Variants in TENM3 observed in about 807,000 individuals in gnomAD.
The protein encoded by TENM3 is teneurin-3.
A neutral mutation model predicts 255.1 loss-of-function variants in TENM3; 63 were observed. The observed-to-expected ratio is 0.25, with a 90% CI of 0.20 to 0.30. The LOEUF (loss-of-function observed/expected upper bound fraction) is 0.30, where lower values mean the gene tolerates loss of function less well. TENM3 is among the 10% of genes least tolerant of loss of function. TENM3 has a pLI of 1.00. For synonymous variants in TENM3, 1,306 were observed against 1,322.3 expected (o/e 0.99, Z 0.27); for missense variants, 2,929 against 3,461.1 (o/e 0.85, Z 3.86).
rs1217052951 is a variant in TENM3 at position 182,621,649 on chromosome 4, T to TA, written c.750-7002_750-7001insA. Among the ~76,000 whole-genome samples, 10 of 30,830 alleles carry TA rather than the reference T, an allele frequency of 3.2e-4. 1 individual carries two copies. The highest frequency in any genetic ancestry group is 2.8e-3 in the East Asian group (5 of 1,788). The allele number at this position is 30,830 out of a possible 152,430, so 20.2% of individuals were successfully genotyped here. ...TAAAATATATAATATATAATACATA[T>TA]TATAATATATAATATGTATTATATA... On this transcript the variant is annotated intron_variant, in intron 4 of 27. Transcript: ENST00000511685.
chr4:182,800,244 C>A lies in TENM3; in HGVS notation c.7993C>A (p.Gln2665Lys). The A allele has an allele frequency of 1.9e-6, 3 of 1,593,632 alleles. No individual in the cohort carries two copies. Among genetic ancestry groups the A allele is most frequent in the Non-Finnish European group, 2.5e-6 (3 of 1,178,098 alleles). Reference protein sequence around the residue: ...KRQLLSAGKVQGYDGYYVLSV... With the variant: ...KRQLLSAGKVKGYDGYYVLSV... ...GCAGCTGCTGAGCGCCGGCAAGGTG[C>A]AGGGCTACGACGGGTACTACGTACT... is the stretch of plus-strand genomic sequence containing the variant. Residue 2665 changes from glutamine (Q) to lysine (K), a missense_variant, in exon 28 of 28, where the codon CAG becomes AAG. Physicochemically the swap from Gln to Lys is moderately conservative, Grantham distance 53. This residue lies in a region of TENM3 where 476 missense variants were observed against 480.1 expected (regional missense o/e 0.99). Coordinates refer to ENST00000511685, the MANE Select transcript of TENM3 (RefSeq NM_001080477.4).
chr4:181,731,121 T>C, the TENM3 span, among the ~76,000 whole-genome samples: 1 of 152,336 alleles, frequency 6.6e-6, no homozygotes, highest in East Asian at 1.9e-4. Flanking sequence ...ACTCAGATTA[T>C]GTCCACTTCG....
the TENM3 span, among the ~76,000 whole-genome samples, chr4:181,684,283 T>A: frequency 6.6e-6 from 1 of 152,188 alleles, no homozygotes; most frequent in African/African-American, 2.4e-5. Flanking sequence ...CCAATCATTT[T>A]ACAGATACAA....
At chr4:181,565,103 C>G in the TENM3 span, among the ~76,000 whole-genome samples, 1 of 152,176 alleles carries the variant, frequency 6.6e-6, no homozygotes, top group Non-Finnish European at 1.5e-5. Flanking sequence ...TAATTTACAG[C>G]CCGTTTAAAC....
At chr4:181,801,695 T>TATATATAA in the TENM3 span, among the ~76,000 whole-genome samples, 1 of 125,910 alleles carries the variant, frequency 7.9e-6, no homozygotes, top group African/African-American at 3.1e-5. Context: ...TATATATATA[T>TATATATAA]ATGCAACAAT....
chr4:181,659,508 C>CT, the TENM3 span, among the ~76,000 whole-genome samples: 10 of 152,140 alleles, frequency 6.6e-5, no homozygotes, highest in African/African-American at 2.4e-4. Context: ...AACAAATATT[C>CT]TTTTGGTGAC....
chr4:181,566,065 G>A, the TENM3 span, among the ~76,000 whole-genome samples: 1 of 150,720 alleles, frequency 6.6e-6, no homozygotes, highest in East Asian at 2.0e-4. Flanking sequence ...CAAAAACCTA[G>A]TTTCCCCCAA....
intron 3 of TENM3, among the ~76,000 whole-genome samples, chr4:182,571,788 A>C (rs560813955): frequency 6.6e-6 from 1 of 152,348 alleles, no homozygotes; most frequent in Admixed American, 6.5e-5. Context: ...AGTGTATATA[A>C]TTAACATAGA....
chr4:181,607,134 T>G, the TENM3 span, among the ~76,000 whole-genome samples: 1 of 152,202 alleles, frequency 6.6e-6, no homozygotes, highest in African/African-American at 2.4e-5. Context: ...GAGTTGGAAT[T>G]TGGTCTTTGG....
At chr4:182,489,050 T>C (rs967389883) in intron 3 of TENM3, among the ~76,000 whole-genome samples, 3 of 152,182 alleles carry the variant, frequency 2.0e-5, no homozygotes, top group Admixed American at 6.5e-5. Flanking sequence ...ATTACTTTCT[T>C]GAAAAGTGAG....
the TENM3 span, among the ~76,000 whole-genome samples, chr4:182,053,151 G>T: frequency 6.6e-6 from 1 of 151,988 alleles, no homozygotes; most frequent in South Asian, 2.1e-4. Flanking sequence ...CAGATGAGAT[G>T]CAATACTCCC....
the TENM3 span, among the ~76,000 whole-genome samples, chr4:181,456,402 A>G: frequency 6.6e-6 from 1 of 151,874 alleles, no homozygotes; most frequent in East Asian, 1.9e-4. Flanking sequence ...CAGATAAGGC[A>G]GTTAAGAGTT....
chr4:182,317,685 T>A (rs1185371976), intron 1 of TENM3, among the ~76,000 whole-genome samples: 1 of 152,082 alleles, frequency 6.6e-6, no homozygotes. Flanking sequence ...AAGCTCAAAT[T>A]CTAGTTATGC....
At chr4:181,657,115 T>C in the TENM3 span, among the ~76,000 whole-genome samples, 1 of 152,144 alleles carries the variant, frequency 6.6e-6, no homozygotes, top group East Asian at 1.9e-4. Context: ...CTGTTAAGAG[T>C]CTGTATGTGG....
chr4:181,499,837 A>G, the TENM3 span, among the ~76,000 whole-genome samples: 1 of 152,208 alleles, frequency 6.6e-6, no homozygotes. Flanking sequence ...TAAAAGAGAT[A>G]AGTGACTTTT....
chr4:181,712,288 G>T, the TENM3 span, among the ~76,000 whole-genome samples: 2 of 152,092 alleles, frequency 1.3e-5, no homozygotes. Flanking sequence ...GGAGGTGATT[G>T]GATCATGGGG....
At chr4:182,796,579 A>C (rs879116148) in intron 26 of TENM3, 58 bp from the exon 27 acceptor site, 55 of 1,444,208 alleles carry the variant, frequency 3.8e-5, no homozygotes, top group African/African-American at 1.4e-5. Context: ...AAGAATTTAA[A>C]TTTATGAAAG....
intron 4 of TENM3, among the ~76,000 whole-genome samples, chr4:182,627,978 T>A (rs1750992825): frequency 6.6e-6 from 1 of 152,190 alleles, no homozygotes; most frequent in South Asian, 2.1e-4. Context: ...TGTTAGAAGA[T>A]GTTCCATGAT....
chr4:182,002,676 C>T, the TENM3 span, among the ~76,000 whole-genome samples: 2 of 152,094 alleles, frequency 1.3e-5, no homozygotes, highest in African/African-American at 2.4e-5. Context: ...TTAAAATCAA[C>T]AAACTCCCAA....
Sources: gnomAD v4.1 joint callset for allele counts (sites outside exome capture counted in the v4.1 genomes callset) on GRCh38, gnomAD v4.1.1 for gene constraint, gnomAD v4.1.1 regional missense constraint, MANE v1.5 for transcripts, NCBI Gene and HGNC (gene_info 2026-07-23, HGNC 2026-07-21) for gene names.